MID1: variants seen among roughly 807,000 people sequenced by gnomAD.
MID1 encodes E3 ubiquitin-protein ligase Midline-1.
MID1 carries 7 observed loss-of-function variants against 40.4 expected under a neutral mutation model. That is an observed-to-expected ratio of 0.17 (90% CI 0.10 to 0.33). The LOEUF (loss-of-function observed/expected upper bound fraction) is 0.33, where lower values mean the gene tolerates loss of function less well. Ranked by LOEUF, MID1 falls within the 10% of genes least tolerant of loss-of-function variation. MID1 has a pLI of 1.00. For missense variants in MID1, 367 were observed against 558.5 expected (o/e 0.66, Z 3.46); for synonymous variants, 229 against 221.2 (o/e 1.04, Z -0.31).
At chrX:10,714,785 G>T (rs1292376276) in intron 1 of MID1, among the ~76,000 whole-genome samples, 1 of 111,400 alleles carries the variant, frequency 9.0e-6, no homozygotes, top group African/African-American at 3.3e-5. Flanking sequence ...CAAGGAGCCT[G>T]CCAAAATGTT....
chrX:10,585,784 T>G (rs1421930185), intron 1 of MID1, among the ~76,000 whole-genome samples: 1 of 111,496 alleles, frequency 9.0e-6, no homozygotes, highest in Non-Finnish European at 1.9e-5. Context: ...CCACATTTAT[T>G]TTTACACAGT....
chrX:10,778,281 A>G (rs2043820569), intron 1 of MID1, among the ~76,000 whole-genome samples: 1 of 110,620 alleles, frequency 9.0e-6, no homozygotes. Flanking sequence ...AGGTGATAGG[A>G]ATTTTTCAGC....
chrX:10,764,418 G>A (rs946906787), intron 1 of MID1, among the ~76,000 whole-genome samples: 3 of 110,930 alleles, frequency 2.7e-5, no homozygotes, highest in Non-Finnish European at 3.8e-5. Context: ...ATAATTCACC[G>A]ACAGCTGGTA....
At chrX:10,526,349 A>C (rs1375131787) in intron 2 of MID1, among the ~76,000 whole-genome samples, 2 of 111,345 alleles carry the variant, frequency 1.8e-5, no homozygotes, top group African/African-American at 6.5e-5. Context: ...TGTTTGGATT[A>C]AATGAATCGC....
At chrX:10,468,150 TAC>T (rs1249067348) in intron 7 of MID1, among the ~76,000 whole-genome samples, 3 of 112,211 alleles carry the variant, frequency 2.7e-5, no homozygotes, top group Non-Finnish European at 5.6e-5. Flanking sequence ...ATTTAAAAAT[TAC>T]ACATTCTTGG....
intron 1 of MID1, among the ~76,000 whole-genome samples, chrX:10,804,262 A>G (rs1311066338): frequency 8.9e-6 from 1 of 112,499 alleles, no homozygotes; most frequent in Non-Finnish European, 1.9e-5. Flanking sequence ...AAAAATGTCT[A>G]CCATATCTGA....
rs1466630064 is a variant in MID1 at position 10,798,293 on chromosome X, A to G, written c.-187+35261T>C. ...CATTGCATTAAAACATCTTTTGACT[A>G]CTCTGCCTTGTCCACGTGACTGGGA... On this transcript the variant is annotated intron_variant, in intron 1 of 10. Coordinates refer to the MID1 transcript ENST00000380785. Among the ~76,000 whole-genome samples, 4 of 111,262 alleles carry G rather than the reference A, an allele frequency of 3.6e-5. No homozygotes were observed. In the Admixed American group the frequency reaches 3.8e-4, roughly 11 times the overall value.
At position 10,613,696 on chromosome X, in the gene MID1, AATATATAT is replaced by A. The variant is rs1177605401; in HGVS notation, c.-57+6586_-57+6593del. Among the ~76,000 whole-genome samples the A allele has an allele frequency of 8.7e-3, 147 of 16,844 alleles. 3 individuals are homozygous for A. Among genetic ancestry groups the A allele is most frequent in the African/African-American group, 0.037 (90 of 2,418 alleles). 14.6% of individuals were successfully genotyped at this position (16,844 alleles called of 115,157 possible). ...TCTTGCCCAGAACACAACTGAAAGGAATATATATATATATATATATATATATATATATA... is the reference window on the plus strand; with the variant it reads ...TCTTGCCCAGAACACAACTGAAAGGAATATATATATATATATATATATATA... On this transcript the variant is annotated intron_variant, in intron 1 of 9. Coordinates refer to ENST00000317552, the MANE Select transcript of MID1 (RefSeq NM_000381.4).
At chrX:10,456,225 T>A (rs752353074) in intron 8 of MID1, among the ~76,000 whole-genome samples, 9 of 112,438 alleles carry the variant, frequency 8.0e-5, no homozygotes, top group Non-Finnish European at 1.5e-4. Flanking sequence ...GGATTTCCAG[T>A]TGCCTTTTGG....
chrX:10,776,885 G>A (rs1226966782), intron 1 of MID1, among the ~76,000 whole-genome samples: 1 of 112,130 alleles, frequency 8.9e-6, no homozygotes, highest in Non-Finnish European at 1.9e-5. Flanking sequence ...CAGCTTATTT[G>A]CTTACTTCCA....
chrX:10,764,808 G>T (rs929996804), intron 1 of MID1, among the ~76,000 whole-genome samples: 3 of 111,804 alleles, frequency 2.7e-5, no homozygotes, highest in Non-Finnish European at 5.6e-5. Context: ...CTATTTGCAT[G>T]CTATGCCATC....
intron 1 of MID1, among the ~76,000 whole-genome samples, chrX:10,634,406 T>C (rs1371884723): frequency 8.9e-6 from 1 of 111,971 alleles, no homozygotes; most frequent in Non-Finnish European, 1.9e-5. Context: ...TCCTGAACCA[T>C]GCCTCTAGTT....
Position 10,681,091 on chromosome X carries a change from T to A in MID1, c.-186-60672A>T, listed in dbSNP as rs776741482. ...ATAATAATAATGCTACACACACTAT[T>A]GTGTTCACAGACGTATATATATGTG... On this transcript the variant is annotated intron_variant, in intron 1 of 10. Coordinates refer to the MID1 transcript ENST00000380785. Among the ~76,000 whole-genome samples, 137 of 107,841 alleles carry A rather than the reference T, an allele frequency of 1.3e-3. 1 individual carries two copies. The highest frequency in any genetic ancestry group is 4.4e-3 in the African/African-American group (130 of 29,768). 93.6% of individuals were successfully genotyped at this position (107,841 alleles called of 115,157 possible).
At chrX:10,636,719 T>A (rs1427315159) in intron 1 of MID1, among the ~76,000 whole-genome samples, 4 of 97,173 alleles carry the variant, frequency 4.1e-5, no homozygotes, top group African/African-American at 1.2e-4. Flanking sequence ...AATTCATCAG[T>A]TTCAAGGGCA....
At position 10,454,978 on chromosome X, in the gene MID1, CTCT is replaced by C. The variant is rs1300755857; in HGVS notation, c.1544_1546del (p.Lys515del). 1.7e-6 allele frequency: 2 copies of C among 1,210,019 alleles called. No homozygotes were observed. The highest frequency in any genetic ancestry group is 1.1e-6 in the Non-Finnish European group (1 of 893,874). ...GCTGGTGAAGCGTTCAGGTGTGTGA[CTCT>C]TCTTGGATGATGACTCATCACGTTC... On this transcript the variant is annotated inframe_deletion, in exon 9 of 10. Coordinates refer to ENST00000317552, the MANE Select transcript of MID1 (RefSeq NM_000381.4).
chrX:10,663,105 C>CT (rs2042927153), intron 1 of MID1, among the ~76,000 whole-genome samples: 2 of 110,190 alleles, frequency 1.8e-5, no homozygotes, highest in Admixed American at 9.7e-5. Context: ...TTTCTCTTTT[C>CT]TTTTTTTTTA....
chrX:10,692,325 C>G (rs902719966), intron 1 of MID1, among the ~76,000 whole-genome samples: 6 of 111,400 alleles, frequency 5.4e-5, no homozygotes, highest in African/African-American at 2.0e-4. Context: ...TCTTTGTACT[C>G]TTTCTCTTTA....
chrX:10,656,180 A>G, intron 1 of MID1, among the ~76,000 whole-genome samples: 1 of 112,080 alleles, frequency 8.9e-6, no homozygotes. Flanking sequence ...TGTGTCATTG[A>G]CTTGGTGCCC....
chrX:10,659,935 C>T (rs1325980955), intron 1 of MID1, among the ~76,000 whole-genome samples: 2 of 112,348 alleles, frequency 1.8e-5, no homozygotes, highest in African/African-American at 6.5e-5. Context: ...TACAGACCTT[C>T]AAGGAAACCA....
Sources: gnomAD v4.1 joint callset for allele counts (sites outside exome capture counted in the v4.1 genomes callset) on GRCh38, gnomAD v4.1.1 for gene constraint, MANE v1.5 for transcripts, NCBI Gene and HGNC (gene_info 2026-07-23, HGNC 2026-07-21) for gene names.